Variants in DGKG observed in about 807,000 individuals in gnomAD.
DGKG encodes diacylglycerol kinase gamma, also known as DAG kinase gamma.
In DGKG, 78 loss-of-function variants were observed where a neutral mutation model predicts 105.3. That is an observed-to-expected ratio of 0.74 (90% CI 0.62 to 0.89). The LOEUF is 0.89. DGKG is among the 40% of genes least tolerant of loss of function. The pLI is 0.00. For missense variants in DGKG, 958 were observed against 1,020.1 expected (o/e 0.94, Z 0.83); for synonymous variants, 346 against 367.1 (o/e 0.94, Z 0.66).
intron 1 of DGKG, among the ~76,000 whole-genome samples, chr3:186,335,502 T>TG (rs1406964883): frequency 6.6e-6 from 1 of 152,240 alleles, no homozygotes; most frequent in African/African-American, 2.4e-5. Flanking sequence ...CATTTTAGGC[T>TG]GGGGAATGCC....
chr3:186,288,148 G>C (rs1723154247), intron 6 of DGKG, among the ~76,000 whole-genome samples: 1 of 152,134 alleles, frequency 6.6e-6, no homozygotes, highest in African/African-American at 2.4e-5. Context: ...ACGAAACTGA[G>C]CTCAACTCCT....
intron 19 of DGKG, among the ~76,000 whole-genome samples, chr3:186,248,717 C>T (rs149673762): frequency 2.6e-5 from 4 of 152,136 alleles, no homozygotes; most frequent in East Asian, 1.9e-4. Flanking sequence ...AACATGAAGA[C>T]GGAGGGGGCT....
At chr3:186,283,298 T>C (rs1053784305) in intron 7 of DGKG, among the ~76,000 whole-genome samples, 2 of 152,124 alleles carry the variant, frequency 1.3e-5, no homozygotes, top group Admixed American at 6.5e-5. Flanking sequence ...TCATCCCCTA[T>C]TACTTCCTCA....
At chr3:186,294,088 A>G (rs1723434470) in intron 5 of DGKG, among the ~76,000 whole-genome samples, 2 of 152,234 alleles carry the variant, frequency 1.3e-5, no homozygotes, top group Non-Finnish European at 1.5e-5. Flanking sequence ...TCACTTCTCC[A>G]GGAGGAAATC....
At chr3:186,315,093 A>T (rs1724753087) in intron 2 of DGKG, among the ~76,000 whole-genome samples, 1 of 152,140 alleles carries the variant, frequency 6.6e-6, no homozygotes, top group African/African-American at 2.4e-5. Flanking sequence ...GGAGCTAATG[A>T]AGGTCATTTA....
intron 1 of DGKG, among the ~76,000 whole-genome samples, chr3:186,335,066 C>T (rs1725765945): frequency 6.6e-6 from 1 of 152,086 alleles, no homozygotes; most frequent in Non-Finnish European, 1.5e-5. Flanking sequence ...TGTTGTAAGA[C>T]CTGGAGCCCT....
intron 1 of DGKG, among the ~76,000 whole-genome samples, chr3:186,346,655 GCTATA>G (rs144977237): frequency 6.5e-4 from 98 of 151,374 alleles, no homozygotes; most frequent in Middle Eastern, 3.4e-3. Context: ...GAGTAACTAT[GCTATA>G]CTATACTATA....
rs1718996269 is a variant in DGKG, at chr3:186,210,722, G to A, written c.1917+1073C>T. The A allele has an allele frequency of 2.4e-6, 1 of 412,480 alleles. No homozygotes were observed. The highest frequency in any genetic ancestry group is 4.8e-6 in the Non-Finnish European group (1 of 209,298). 25.6% of individuals were successfully genotyped at this position (412,480 alleles called of 1,614,324 possible). Reference sequence around the variant, plus strand: ...CTCCAGGGAGGCCCAGGCCCCACTGGACTGCAGTGCGGGCTTAGAGGCCAA... The same window carrying A: ...CTCCAGGGAGGCCCAGGCCCCACTGAACTGCAGTGCGGGCTTAGAGGCCAA... On this transcript the variant is annotated intron_variant, in intron 21 of 24. Transcript: ENST00000265022. This position sits in a 1 kb window ranked among gnomAD's most constrained non-coding sequence, Gnocchi z 5.2.
intron 21 of DGKG, among the ~76,000 whole-genome samples, chr3:186,197,898 C>A (rs1718263743): frequency 1.3e-5 from 2 of 152,158 alleles, no homozygotes; most frequent in Admixed American, 1.3e-4. Context: ...AATGCTCTTG[C>A]TAGAAATGAA....
chr3:186,166,602 T>C (rs1371939027), intron 22 of DGKG, among the ~76,000 whole-genome samples: 2 of 150,848 alleles, frequency 1.3e-5, no homozygotes, highest in African/African-American at 4.9e-5. Flanking sequence ...TCCAATAGTG[T>C]CTGTGAAAAC....
chr3:186,223,384 AG>A (rs1719692699), intron 20 of DGKG, among the ~76,000 whole-genome samples: 1 of 152,040 alleles, frequency 6.6e-6, no homozygotes. Flanking sequence ...CTAAAACTCT[AG>A]GATGGTCTGG....
chr3:186,355,273 C>CCACCAACACCACTATCGT (rs1360744888), intron 1 of DGKG, among the ~76,000 whole-genome samples: 5 of 27,414 alleles, frequency 1.8e-4, no homozygotes, highest in African/African-American at 4.9e-4. Context: ...ACCACTACCA[C>CCACCAACACCACTATCGT]CAGCACGATC....
chr3:186,290,704 T>C (rs991621664), intron 5 of DGKG, among the ~76,000 whole-genome samples: 1 of 152,164 alleles, frequency 6.6e-6, no homozygotes, highest in Non-Finnish European at 1.5e-5. Context: ...AGCTGGAATC[T>C]GGAGCCCACA....
At chr3:186,293,121 C>T (rs1210398681) in intron 5 of DGKG, among the ~76,000 whole-genome samples, 1 of 152,192 alleles carries the variant, frequency 6.6e-6, no homozygotes, top group Non-Finnish European at 1.5e-5. Context: ...TACATCAACA[C>T]ATCATTATCT....
At chr3:186,336,364 A>C (rs1201960871) in intron 1 of DGKG, among the ~76,000 whole-genome samples, 1 of 152,162 alleles carries the variant, frequency 6.6e-6, no homozygotes, top group Non-Finnish European at 1.5e-5. Flanking sequence ...AGATCCATGC[A>C]TTCTTAAGTA....
chr3:186,249,632 A>G (rs1721111375), intron 19 of DGKG, among the ~76,000 whole-genome samples: 1 of 152,210 alleles, frequency 6.6e-6, no homozygotes, highest in African/African-American at 2.4e-5. Context: ...GTTTGAGGTC[A>G]GGAGTTTGAG....
rs770725812 is a variant in DGKG at position 186,257,900 on chromosome 3, C to T, written c.1464G>A (p.Leu488=). The T allele has an allele frequency of 1.9e-5, 31 of 1,614,096 alleles. No homozygotes were observed. In the South Asian group the frequency reaches 3.2e-4, roughly 17 times the overall value. The change falls in exon 17 of 25, where the codon TTG becomes TTA. Residue 488 remains leucine (L), a synonymous_variant. Transcript: ENST00000265022. The part of the protein sequence containing the change: ...FFRDTPDFRV[L]ACGGDGTVGW... The stretch of plus-strand genomic sequence containing the variant: ...CAACTGTCCCATCTCCACCACAGGC[C>T]AAAACACGGAAGTCTGGAGTATCAC...
intron 1 of DGKG, among the ~76,000 whole-genome samples, chr3:186,346,846 C>T (rs1258569429): frequency 1.3e-5 from 2 of 152,106 alleles, no homozygotes; most frequent in African/African-American, 2.4e-5. Context: ...CCATCAAGCT[C>T]CTTATAGCCT....
At chr3:186,328,658 C>T (rs952185652) in intron 1 of DGKG, among the ~76,000 whole-genome samples, 1 of 151,826 alleles carries the variant, frequency 6.6e-6, no homozygotes, top group African/African-American at 2.4e-5. Flanking sequence ...TCACTGCAAC[C>T]TCCACCTCCT....
Sources: allele counts gnomAD v4.1 joint callset (sites outside exome capture counted in the v4.1 genomes callset), GRCh38; gene constraint gnomAD v4.1.1; non-coding constraint Gnocchi (gnomAD v3.1); transcripts MANE v1.5; gene names NCBI Gene and HGNC (gene_info 2026-07-23, HGNC 2026-07-21).